Variants in NR6A1 observed in about 807,000 individuals in gnomAD.
NR6A1 encodes the protein nuclear receptor subfamily 6 group A member 1.
NR6A1 carries 7 observed loss-of-function variants against 59.1 expected under a neutral mutation model. The ratio of observed to expected loss-of-function variants is 0.12; its 90% CI spans 0.07 to 0.22. The LOEUF is 0.22. Among genes scored for constraint, NR6A1 ranks in the 10% least tolerant of loss-of-function variants. NR6A1 has a pLI of 1.00. For missense variants in NR6A1, 468 were observed against 611.6 expected, an observed-to-expected ratio of 0.77 and a Z score of 2.48; for synonymous variants, 243 against 236.1, an observed-to-expected ratio of 1.03 and a Z score of -0.27.
chr9:124,755,398 C>A (rs1442544241), intron 1 of NR6A1, among the ~76,000 whole-genome samples: 1 of 152,148 alleles, frequency 6.6e-6, no homozygotes, highest in Admixed American at 6.5e-5. Context: ...TTATTGTGAT[C>A]TAAGAGTGAC....
intron 2 of NR6A1, among the ~76,000 whole-genome samples, chr9:124,707,874 T>C (rs1448815579): frequency 2.6e-5 from 4 of 152,212 alleles, no homozygotes; most frequent in African/African-American, 2.4e-5. Flanking sequence ...GCTCTTTCAC[T>C]ACCTGCTGCT....
intron 2 of NR6A1, among the ~76,000 whole-genome samples, chr9:124,678,292 A>C (rs868156466): frequency 1.2e-4 from 18 of 151,868 alleles, no homozygotes; most frequent in African/African-American, 4.4e-4. Flanking sequence ...AGAGAACCCT[A>C]ATCACCACTT....
intron 2 of NR6A1, among the ~76,000 whole-genome samples, chr9:124,646,437 C>T (rs781464202): frequency 2.0e-5 from 3 of 151,988 alleles, no homozygotes; most frequent in African/African-American, 7.3e-5. Context: ...GTCAATCGTA[C>T]CTCAATAAAG....
intron 2 of NR6A1, among the ~76,000 whole-genome samples, chr9:124,624,966 A>G (rs1007120264): frequency 2.6e-5 from 4 of 151,780 alleles, no homozygotes; most frequent in Non-Finnish European, 5.9e-5. Flanking sequence ...TCATCTGAAA[A>G]CAAAATCTTT....
chr9:124,651,333 A>G (rs985195205), intron 2 of NR6A1, among the ~76,000 whole-genome samples: 3 of 152,212 alleles, frequency 2.0e-5, no homozygotes, highest in African/African-American at 4.8e-5. Context: ...TGCTGGAATT[A>G]CAGGCATGAG....
intron 2 of NR6A1, among the ~76,000 whole-genome samples, chr9:124,695,354 G>GT (rs1221839454): frequency 3.3e-5 from 5 of 152,200 alleles, no homozygotes; most frequent in South Asian, 2.1e-4. Context: ...TTACCAAAAG[G>GT]TTTTTTTGTG....
At chr9:124,598,244 G>C (rs1835333523) in intron 2 of NR6A1, among the ~76,000 whole-genome samples, 2 of 152,088 alleles carry the variant, frequency 1.3e-5, no homozygotes, top group African/African-American at 4.8e-5. Context: ...GGCTGAGGCA[G>C]GAGGATGGCT....
In NR6A1 at chr9:124,713,295, AC is replaced by A. The variant is rs914461127; in HGVS notation, c.142+20012del. Among the ~76,000 whole-genome samples, 14 of 151,956 alleles carry A rather than the reference AC, an allele frequency of 9.2e-5. No individual in the cohort carries two copies. The East Asian group carries it at 2.7e-3, about 29-fold the overall frequency. On this transcript the variant is annotated intron_variant, in intron 2 of 9. Coordinates refer to ENST00000487099, the MANE Select transcript of NR6A1 (RefSeq NM_033334.4). ...TTAAACATAAGCCCTAAACTATAAAACTTTTAGAAAAAAAAAACAGGAGATA... is the reference window on the plus strand; with the variant it reads ...TTAAACATAAGCCCTAAACTATAAAATTTTAGAAAAAAAAAACAGGAGATA...
chr9:124,599,541 A>T (rs1029242958), intron 2 of NR6A1: 4 of 639,976 alleles, frequency 6.3e-6, no homozygotes, highest in Non-Finnish European at 1.0e-5. Flanking sequence ...TTCTCAATGG[A>T]AGTATCGTGG....
intron 2 of NR6A1, among the ~76,000 whole-genome samples, chr9:124,686,949 C>A (rs1188268605): frequency 1.3e-5 from 2 of 152,010 alleles, no homozygotes; most frequent in Admixed American, 1.3e-4. Flanking sequence ...AGCAATACCT[C>A]CCTCCTCGGC....
intron 2 of NR6A1, among the ~76,000 whole-genome samples, chr9:124,697,702 T>C (rs986960108): frequency 6.6e-5 from 10 of 151,512 alleles, no homozygotes; most frequent in African/African-American, 1.7e-4. Flanking sequence ...AGATTACTAA[T>C]AGTTTTGGAA....
At chr9:124,761,517 T>C (rs1360715717) in intron 1 of NR6A1, among the ~76,000 whole-genome samples, 2 of 152,204 alleles carry the variant, frequency 1.3e-5, no homozygotes, top group Admixed American at 1.3e-4. Flanking sequence ...CACTAAAATG[T>C]TACTCACACT....
rs1214486240 is a variant in NR6A1 at position 124,665,012 on chromosome 9, A to C, written c.142+68296T>G. 3.6e-4 allele frequency among the ~76,000 whole-genome samples: 49 copies of C among 136,418 alleles called. 4 individuals are homozygous for C. The highest frequency in any genetic ancestry group is 3.7e-3 in the Middle Eastern group (1 of 268). 89.5% of individuals were successfully genotyped at this position (136,418 alleles called of 152,430 possible). Reference sequence around the variant, plus strand: ...ATATAATAAGATCCTTGTATCTCCAAAAAAAAAAAAAAAAAAAAAAAAAAG... The same window carrying C: ...ATATAATAAGATCCTTGTATCTCCACAAAAAAAAAAAAAAAAAAAAAAAAG... On this transcript the variant is annotated intron_variant, in intron 2 of 9. Coordinates refer to ENST00000487099, the MANE Select transcript of NR6A1 (RefSeq NM_033334.4).
chr9:124,594,129 G>A (rs1299525672), intron 2 of NR6A1, among the ~76,000 whole-genome samples: 1 of 138,164 alleles, frequency 7.2e-6, no homozygotes, highest in Non-Finnish European at 1.6e-5. Context: ...GTAAGCAGTT[G>A]ATTTTGCCTC....
chr9:124,746,425 C>A (rs1261277672), intron 1 of NR6A1, among the ~76,000 whole-genome samples: 1 of 152,046 alleles, frequency 6.6e-6, no homozygotes, highest in Non-Finnish European at 1.5e-5. Context: ...CCCATCTCTA[C>A]TAAAAATACA....
intron 2 of NR6A1, among the ~76,000 whole-genome samples, chr9:124,565,074 C>T (rs566210507): frequency 6.6e-6 from 1 of 152,226 alleles, no homozygotes; most frequent in African/African-American, 2.4e-5. Context: ...AATAATATAT[C>T]TCTCATTAGA....
At chr9:124,737,213 G>C (rs971640664) in intron 1 of NR6A1, among the ~76,000 whole-genome samples, 1 of 152,192 alleles carries the variant, frequency 6.6e-6, no homozygotes, top group South Asian at 2.1e-4. Flanking sequence ...CAAAGATCCT[G>C]ATTATAAAAT....
intron 1 of NR6A1, among the ~76,000 whole-genome samples, chr9:124,762,042 T>C (rs192756953): frequency 2.0e-5 from 3 of 152,270 alleles, no homozygotes; most frequent in Non-Finnish European, 4.4e-5. Flanking sequence ...GTAAGAAAAC[T>C]CCAAAGTAAA....
intron 7 of NR6A1, among the ~76,000 whole-genome samples, chr9:124,529,154 C>T (rs919051079): frequency 2.0e-5 from 3 of 152,228 alleles, no homozygotes; most frequent in African/African-American, 7.2e-5. Context: ...GATACATTCC[C>T]AGCCTGGCCG....
Sources: allele counts gnomAD v4.1 joint callset (sites outside exome capture counted in the v4.1 genomes callset), GRCh38; gene constraint gnomAD v4.1.1; transcripts MANE v1.5; gene names NCBI Gene and HGNC (gene_info 2026-07-23, HGNC 2026-07-21).